The following HS6ST3 variants were observed in gnomAD, a reference collection of about 807,000 sequenced individuals.
HS6ST3 encodes the protein heparan-sulfate 6-O-sulfotransferase 3.
A neutral mutation model predicts 36.7 loss-of-function variants in HS6ST3; 12 were observed. That is an observed-to-expected ratio of 0.33 (90% CI 0.21 to 0.53). The LOEUF is 0.53. Among genes scored for constraint, HS6ST3 ranks in the 20% least tolerant of loss-of-function variants. The probability of loss-of-function intolerance (pLI) is 0.95; values close to 1 mark genes in which losing one functional copy is unlikely to be tolerated. For missense variants in HS6ST3, 584 were observed against 640.9 expected (o/e 0.91, Z 0.96); for synonymous variants, 240 against 257.5 (o/e 0.93, Z 0.65).
intron 1 of HS6ST3, among the ~76,000 whole-genome samples, chr13:96,152,401 G>A (rs572596965): frequency 1.4e-5 from 2 of 143,648 alleles, no homozygotes; most frequent in Non-Finnish European, 1.5e-5. Context: ...GCAGTGGAGC[G>A]ATCTCAGCTC....
chr13:96,405,787 C>T (rs182642200), intron 1 of HS6ST3, among the ~76,000 whole-genome samples: 196 of 152,220 alleles, frequency 1.3e-3, no homozygotes, highest in Non-Finnish European at 2.2e-3. Context: ...CAGTAGATTT[C>T]GGAGGATTGT....
chr13:96,727,274 G>T (rs1004174465), intron 1 of HS6ST3, among the ~76,000 whole-genome samples: 8 of 152,092 alleles, frequency 5.3e-5, no homozygotes, highest in African/African-American at 1.9e-4. Context: ...GGCTTGCTGT[G>T]AATAATAAAG....
intron 1 of HS6ST3, among the ~76,000 whole-genome samples, chr13:96,183,261 T>C (rs193187557): frequency 6.6e-6 from 1 of 152,274 alleles, no homozygotes; most frequent in East Asian, 1.9e-4. Context: ...ATCTAAGAGG[T>C]ATACCTTCAT....
chr13:96,434,295 C>A (rs2055630800), intron 1 of HS6ST3, among the ~76,000 whole-genome samples: 1 of 152,098 alleles, frequency 6.6e-6, no homozygotes, highest in South Asian at 2.1e-4. Flanking sequence ...GATTTTTCTT[C>A]TTATCTTGCT....
chr13:96,115,849 T>C (rs1240502167), intron 1 of HS6ST3, among the ~76,000 whole-genome samples: 2 of 152,240 alleles, frequency 1.3e-5, no homozygotes, highest in Non-Finnish European at 2.9e-5. Context: ...TGAACTAATT[T>C]ACATTCCCAC....
chr13:96,746,635 A>C (rs1411845052), intron 1 of HS6ST3, among the ~76,000 whole-genome samples: 6 of 152,114 alleles, frequency 3.9e-5, no homozygotes, highest in Non-Finnish European at 8.8e-5. Context: ...CATAATTATA[A>C]ATGTTTGAGT....
intron 1 of HS6ST3, among the ~76,000 whole-genome samples, chr13:96,359,090 G>A (rs2055224563): frequency 6.6e-6 from 1 of 152,156 alleles, no homozygotes; most frequent in South Asian, 2.1e-4. Context: ...TGCTTTAGAA[G>A]GTACTTGGTG....
At chr13:96,772,153 T>G (rs922316017) in intron 1 of HS6ST3, among the ~76,000 whole-genome samples, 3 of 152,152 alleles carry the variant, frequency 2.0e-5, no homozygotes, top group African/African-American at 7.2e-5. Flanking sequence ...GAAATCAAAG[T>G]GATACATGCA....
In HS6ST3 at chr13:96,090,299, G is replaced by A. The variant is rs923796946; in HGVS notation, c.-564G>A. On this transcript the variant is annotated 5_prime_UTR_variant, in exon 1 of 2. Transcript: ENST00000376705. ...GCGGCGAGCGCCGTCAGCCCTCGCG[G>A]CTCCACAGCCCCGCGACCTGCCGGC... is the stretch of plus-strand genomic sequence containing the variant. Among the ~76,000 whole-genome samples the A allele has an allele frequency of 6.7e-6, 1 of 149,874 alleles. No homozygotes were observed. Among genetic ancestry groups the A allele is most frequent in the South Asian group, 2.1e-4 (1 of 4,824 alleles).
At chr13:96,792,669 A>G (rs1238164980) in intron 1 of HS6ST3, among the ~76,000 whole-genome samples, 1 of 152,004 alleles carries the variant, frequency 6.6e-6, no homozygotes, top group Non-Finnish European at 1.5e-5. Flanking sequence ...TTTTCCAGAA[A>G]GAAGGAGGAC....
chr13:96,162,763 T>A (rs575279015), intron 1 of HS6ST3, among the ~76,000 whole-genome samples: 1 of 152,370 alleles, frequency 6.6e-6, no homozygotes, highest in East Asian at 1.9e-4. Context: ...CAACACATTT[T>A]ATGTTATCTA....
chr13:96,534,896 G>A (rs2056149153), intron 1 of HS6ST3, among the ~76,000 whole-genome samples: 2 of 152,170 alleles, frequency 1.3e-5, no homozygotes, highest in African/African-American at 4.8e-5. Context: ...GGAGGCAGAG[G>A]TTGCTGTGAG....
intron 1 of HS6ST3, among the ~76,000 whole-genome samples, chr13:96,448,898 G>A (rs1229503017): frequency 6.6e-6 from 1 of 152,016 alleles, no homozygotes; most frequent in Non-Finnish European, 1.5e-5. Context: ...TATATTTTTG[G>A]ATGGGGCATA....
At chr13:96,250,171 C>T (rs559260056) in intron 1 of HS6ST3, among the ~76,000 whole-genome samples, 30 of 152,234 alleles carry the variant, frequency 2.0e-4, no homozygotes, top group African/African-American at 6.7e-4. Context: ...TGGTATGTTA[C>T]AGTCTGCACA....
At chr13:96,495,418 AT>A (rs1594793656) in intron 1 of HS6ST3, among the ~76,000 whole-genome samples, 1 of 152,148 alleles carries the variant, frequency 6.6e-6, no homozygotes. Flanking sequence ...CCTTTCCTTC[AT>A]CATTACCCCC....
intron 1 of HS6ST3, among the ~76,000 whole-genome samples, chr13:96,224,575 A>G (rs189220513): frequency 1.4e-4 from 22 of 152,312 alleles, no homozygotes; most frequent in Admixed American, 1.4e-3. Context: ...TTGGCCTCCC[A>G]AAGTGCTAGG....
intron 1 of HS6ST3, among the ~76,000 whole-genome samples, chr13:96,302,055 C>T (rs956191088): frequency 1.3e-5 from 2 of 151,464 alleles, no homozygotes; most frequent in Non-Finnish European, 2.9e-5. Flanking sequence ...AGAAAAAGAA[C>T]ATCACAAGAT....
At chr13:96,474,043 G>T (rs1438040473) in intron 1 of HS6ST3, among the ~76,000 whole-genome samples, 1 of 152,188 alleles carries the variant, frequency 6.6e-6, no homozygotes, top group African/African-American at 2.4e-5. Flanking sequence ...GTGGAATGTT[G>T]CAGAGACTGC....
chr13:96,700,867 A>G (rs1875267373), intron 1 of HS6ST3, among the ~76,000 whole-genome samples: 1 of 152,154 alleles, frequency 6.6e-6, no homozygotes, highest in Non-Finnish European at 1.5e-5. Context: ...ATCTCTTTGG[A>G]TTTAATCCTT....
Sources: gnomAD v4.1 joint callset for allele counts (sites outside exome capture counted in the v4.1 genomes callset) on GRCh38, gnomAD v4.1.1 for gene constraint, MANE v1.5 for transcripts, NCBI Gene and HGNC (gene_info 2026-07-23, HGNC 2026-07-21) for gene names.